RIMKLB: variants seen among roughly 807,000 people sequenced by gnomAD.
The protein encoded by RIMKLB is ribosomal modification protein rimK like family member B, also known as beta-citrylglutamate synthase B.
A neutral mutation model predicts 32.0 loss-of-function variants in RIMKLB; 7 were observed. That is an observed-to-expected ratio of 0.22 (90% confidence interval 0.12 to 0.41). RIMKLB has a LOEUF of 0.41. Among genes scored for constraint, RIMKLB ranks in the 10% least tolerant of loss-of-function variants. The probability of loss-of-function intolerance (pLI) is 1.00; values close to 1 mark genes in which losing one functional copy is unlikely to be tolerated. For synonymous variants in RIMKLB, 172 were observed against 185.1 expected (o/e 0.93, Z 0.57); for missense variants, 289 against 498.7 (o/e 0.58, Z 4.00).
In RIMKLB at chr12:8,698,294, C is replaced by T. The variant is rs1020270597; in HGVS notation, c.-60C>T. 2.0e-5 allele frequency: 7 copies of T among 343,478 alleles called. No homozygotes were observed. The highest frequency in any genetic ancestry group is 1.4e-4 in the African/African-American group (6 of 44,408). 21.3% of individuals were successfully genotyped at this position (343,478 alleles called of 1,614,324 possible). A position where few individuals can be genotyped will look rare whatever the true frequency, so the allele number is the denominator to read the frequency against. ...GAGAGCGAGGGAGGAGCCCCCCGAC[C>T]CAGGTGAGCGGTACGACCGCTGTTG... On this transcript the variant is annotated 5_prime_UTR_variant, in exon 1 of 6. Coordinates refer to ENST00000535829, the MANE Select transcript of RIMKLB (RefSeq NM_001297776.2).
intron 2 of RIMKLB, among the ~76,000 whole-genome samples, chr12:8,738,865 T>G (rs1947248715): frequency 1.3e-5 from 2 of 152,220 alleles, no homozygotes; most frequent in Non-Finnish European, 1.5e-5. Context: ...GTTAGTAGTT[T>G]TGTTGGAATA....
chr12:8,698,255 C>A lies in RIMKLB; in HGVS notation c.-99C>A, dbSNP rs756154043. ...CCGCGCTTCCTCGAAGGCCCCAGCC[C>A]GGCTCAGTCGGCCGAGAGCGAGGGA... On this transcript the variant is annotated 5_prime_UTR_variant, in exon 1 of 6. Coordinates refer to ENST00000535829, the MANE Select transcript of RIMKLB (RefSeq NM_001297776.2). The A allele has an allele frequency of 3.0e-5, 11 of 368,694 alleles. No homozygotes were observed. The highest frequency in any genetic ancestry group is 1.5e-4 in the East Asian group (1 of 6,730). The allele number at this position is 368,694 out of a possible 1,614,324, so 22.8% of individuals were successfully genotyped here.
downstream of RIMKLB, chr12:8,777,721 C>A (rs761346512): frequency 7.9e-7 from 1 of 1,259,984 alleles, no homozygotes; most frequent in Non-Finnish European, 1.0e-6. Flanking sequence ...CTTCTAAACT[C>A]CCCTTCCCCC....
Position 8,776,505 on chromosome 12 carries a change from G to T in RIMKLB, c.*2721G>T. ...AATGTATATATCAAATATGTGTAAT[G>T]ATAAAATCTGAATTGTAAAATTTTT... is the stretch of plus-strand genomic sequence containing the variant. On this transcript the variant is annotated 3_prime_UTR_variant, in exon 6 of 6. Coordinates refer to ENST00000535829, the MANE Select transcript of RIMKLB (RefSeq NM_001297776.2). 1 of 721,630 alleles carries T rather than the reference G, an allele frequency of 1.4e-6. No individual in the cohort carries two copies. Among genetic ancestry groups the T allele is most frequent in the Non-Finnish European group, 1.7e-6 (1 of 589,722 alleles). The allele number at this position is 721,630 out of a possible 1,614,324, so 44.7% of individuals were successfully genotyped here. A position where few individuals can be genotyped will look rare whatever the true frequency, so the allele number is the denominator to read the frequency against.
In RIMKLB at chr12:8,776,826, T is replaced by G; in HGVS notation, c.*3042T>G. On this transcript the variant is annotated 3_prime_UTR_variant, in exon 6 of 6. Coordinates refer to ENST00000535829, the MANE Select transcript of RIMKLB (RefSeq NM_001297776.2). The stretch of plus-strand genomic sequence containing the variant: ...GAGACTTGGCATTCATCAAGCACAT[T>G]ATCAGACTTTGAGAACATATTGAAG... The G allele has an allele frequency of 1.0e-6, 1 of 985,782 alleles. No homozygotes were observed. Among genetic ancestry groups the G allele is most frequent in the Non-Finnish European group, 1.2e-6 (1 of 829,906 alleles). 61.1% of individuals were successfully genotyped at this position (985,782 alleles called of 1,614,324 possible). A position where few individuals can be genotyped will look rare whatever the true frequency, so the allele number is the denominator to read the frequency against.
rs188393703 is a variant in RIMKLB, at chr12:8,773,696, C to G, written c.1073C>G (p.Thr358Arg). 3.1e-6 allele frequency: 5 copies of G among 1,614,240 alleles called. No individual in the cohort carries two copies. Among genetic ancestry groups the G allele is most frequent in the South Asian group, 2.2e-5 (2 of 91,090 alleles). The stretch of plus-strand genomic sequence containing the variant: ...TCTGTTGACAGCGACCCTGAAAGCA[C>G]GGAGCGAGAGCTGCTCACCAAGCTC... Reference protein sequence around the residue: ...SSSVDSDPESTERELLTKLPG... With the variant: ...SSSVDSDPESRERELLTKLPG... Residue 358 changes from threonine (T) to arginine (R), a missense_variant, in exon 6 of 6, where the codon ACG becomes AGG. Thr to Arg is a moderately conservative substitution (Grantham distance 71, BLOSUM62 -1). Coordinates refer to ENST00000535829, the MANE Select transcript of RIMKLB (RefSeq NM_001297776.2).
intron 2 of RIMKLB, among the ~76,000 whole-genome samples, chr12:8,730,017 C>T (rs1262855681): frequency 6.6e-6 from 1 of 152,124 alleles, no homozygotes; most frequent in African/African-American, 2.4e-5. Context: ...TGGGATAATA[C>T]TGACACAAGA....
At chr12:8,700,975 A>G (rs1943340658) in intron 1 of RIMKLB, among the ~76,000 whole-genome samples, 1 of 152,158 alleles carries the variant, frequency 6.6e-6, no homozygotes, top group African/African-American at 2.4e-5. Flanking sequence ...CTGAGGCACA[A>G]GAATCGCTTG....
intron 1 of RIMKLB, among the ~76,000 whole-genome samples, chr12:8,683,499 A>G (rs1942474747): frequency 6.6e-6 from 1 of 152,210 alleles, no homozygotes; most frequent in Admixed American, 6.5e-5. Context: ...TATGCCCCCA[A>G]TAACATATAA....
At chr12:8,754,223 T>C (rs1295026826) in intron 5 of RIMKLB, 130 bp downstream of exon 5, 5 of 663,698 alleles carry the variant, frequency 7.5e-6, no homozygotes, top group Admixed American at 2.6e-5. Context: ...CATGTAAATA[T>C]GATTTTTACA....
At chr12:8,745,550 A>G (rs1290484004) in intron 2 of RIMKLB, among the ~76,000 whole-genome samples, 3 of 151,182 alleles carry the variant, frequency 2.0e-5, no homozygotes, top group African/African-American at 4.9e-5. Context: ...ATGAGCCACC[A>G]TGCCTGGCTA....
In RIMKLB at chr12:8,774,143, C is replaced by G. The variant is rs1324488282; in HGVS notation, c.*359C>G. 1.3e-5 allele frequency: 13 copies of G among 1,013,838 alleles called. No homozygotes were observed. Among genetic ancestry groups the G allele is most frequent in the Non-Finnish European group, 1.5e-5 (13 of 847,026 alleles). 62.8% of individuals were successfully genotyped at this position (1,013,838 alleles called of 1,614,324 possible). A position where few individuals can be genotyped will look rare whatever the true frequency, so the allele number is the denominator to read the frequency against. ...TGTACAAAAAAAAATGGTTTTGCTA[C>G]AAATATCCAAGTAGCATAACTTCAC... On this transcript the variant is annotated 3_prime_UTR_variant, in exon 6 of 6. Coordinates refer to ENST00000535829, the MANE Select transcript of RIMKLB (RefSeq NM_001297776.2).
At chr12:8,684,679 G>A (rs954417556) in intron 1 of RIMKLB, among the ~76,000 whole-genome samples, 1 of 151,600 alleles carries the variant, frequency 6.6e-6, no homozygotes, top group Admixed American at 6.6e-5. Flanking sequence ...CAGGCTGGAG[G>A]GCAGTGGCAC....
chr12:8,776,762 A>G lies in RIMKLB; in HGVS notation c.*2978A>G. ...TGAAATCTTCCTGTATATGTTACCAATAAGAAAACTACCCTGGAACAGTAG... is the reference window on the plus strand; with the variant it reads ...TGAAATCTTCCTGTATATGTTACCAGTAAGAAAACTACCCTGGAACAGTAG... On this transcript the variant is annotated 3_prime_UTR_variant, in exon 6 of 6. Coordinates refer to ENST00000535829, the MANE Select transcript of RIMKLB (RefSeq NM_001297776.2). 2.0e-6 allele frequency: 2 copies of G among 985,406 alleles called. No homozygotes were observed. Among genetic ancestry groups the G allele is most frequent in the South Asian group, 4.7e-5 (1 of 21,280 alleles). The allele number at this position is 985,406 out of a possible 1,614,324, so 61.0% of individuals were successfully genotyped here. A position where few individuals can be genotyped will look rare whatever the true frequency, so the allele number is the denominator to read the frequency against.
At chr12:8,770,836 C>G (rs1447636035) in intron 5 of RIMKLB, among the ~76,000 whole-genome samples, 1 of 152,196 alleles carries the variant, frequency 6.6e-6, no homozygotes, top group Admixed American at 6.5e-5. Context: ...GTTGCAAGTC[C>G]AGGCCTACAG....
At chr12:8,749,203 T>C (rs1948415475) in intron 2 of RIMKLB, among the ~76,000 whole-genome samples, 1 of 151,876 alleles carries the variant, frequency 6.6e-6, no homozygotes, top group African/African-American at 2.4e-5. Context: ...CCAGTTTAAA[T>C]TGTTAAACCA....
chr12:8,750,636 T>A (rs552606750), intron 3 of RIMKLB, among the ~76,000 whole-genome samples: 15 of 151,972 alleles, frequency 9.9e-5, no homozygotes, highest in East Asian at 5.8e-4. Flanking sequence ...TTTTTTTTTT[T>A]AAAAGATCAA....
Position 8,774,024 on chromosome 12 carries a change from A to C in RIMKLB, c.*240A>C, listed in dbSNP as rs1309326387. On this transcript the variant is annotated 3_prime_UTR_variant, in exon 6 of 6. Transcript: ENST00000535829. ...GGGTATAGAAAAATGTCAGGCTCTC[A>C]TAGTTACCCTTTTAAATTGCTAAAA... is the stretch of plus-strand genomic sequence containing the variant. 2 of 1,303,882 alleles carry C rather than the reference A, an allele frequency of 1.5e-6. No homozygotes were observed. Among genetic ancestry groups the C allele is most frequent in the African/African-American group, 1.5e-5 (1 of 67,852 alleles). 80.8% of individuals were successfully genotyped at this position (1,303,882 alleles called of 1,614,324 possible). A position where few individuals can be genotyped will look rare whatever the true frequency, so the allele number is the denominator to read the frequency against.
downstream of RIMKLB, chr12:8,779,784 A>G (rs1196053173): frequency 6.6e-6 from 1 of 152,174 alleles, no homozygotes; most frequent in Non-Finnish European, 1.5e-5. Flanking sequence ...GGGAATAGAA[A>G]TGAATCTCAG....
Sources: allele counts gnomAD v4.1 joint callset (sites outside exome capture counted in the v4.1 genomes callset), GRCh38; gene constraint gnomAD v4.1.1; transcripts MANE v1.5; gene names NCBI Gene and HGNC (gene_info 2026-07-23, HGNC 2026-07-21).